Variants in NLRP4 observed in about 807,000 individuals in gnomAD.
NLRP4 encodes NACHT, LRR and PYD domains-containing protein 4.
NLRP4 carries 44 observed loss-of-function variants against 84.7 expected under a neutral mutation model. That is an observed-to-expected ratio of 0.52 (90% CI 0.41 to 0.67). The LOEUF is 0.67. Among genes scored for constraint, NLRP4 ranks in the 30% least tolerant of loss-of-function variants. The probability of loss-of-function intolerance (pLI) is 0.00; values close to 1 mark genes in which losing one functional copy is unlikely to be tolerated. For synonymous variants in NLRP4, 544 were observed against 476.4 expected (o/e 1.14, Z -1.85); for missense variants, 1,260 against 1,219.4 (o/e 1.03, Z -0.50).
chr19:55,880,230 A>T (rs1346599261), intron 9 of NLRP4, among the ~76,000 whole-genome samples: 6 of 152,192 alleles, frequency 3.9e-5, no homozygotes, highest in African/African-American at 7.2e-5. Flanking sequence ...CATCCTTATA[A>T]ATCTCCACCT....
chr19:55,872,321 T>C (rs1159021764), intron 7 of NLRP4, among the ~76,000 whole-genome samples: 7 of 152,228 alleles, frequency 4.6e-5, no homozygotes, highest in Non-Finnish European at 8.8e-5. Flanking sequence ...ACATGATCCT[T>C]GACCTCAGCT....
intron 1 of NLRP4, among the ~76,000 whole-genome samples, chr19:55,842,082 T>C (rs1407483133): frequency 6.6e-6 from 1 of 152,230 alleles, no homozygotes; most frequent in Non-Finnish European, 1.5e-5. Flanking sequence ...TTTCTCTGCA[T>C]CCTTGCCAAC....
rs1260666786 is a variant in NLRP4 at position 55,863,338 on chromosome 19, A to G, written c.2186+1179A>G. On this transcript the variant is annotated intron_variant, in intron 5 of 9. Coordinates refer to ENST00000301295, the MANE Select transcript of NLRP4 (RefSeq NM_134444.5). ...CATACCTGAGACTGGGAATTTATAA[A>G]TAAAAGAGGTGTAATTGGCTTATGG... 2.0e-5 allele frequency among the ~76,000 whole-genome samples: 3 copies of G among 152,214 alleles called. No individual in the cohort carries two copies. The East Asian group carries it at 5.8e-4, about 29-fold the overall frequency.
In NLRP4 at chr19:55,859,164, T is replaced by C. The variant is rs757124692; in HGVS notation, c.1771T>C (p.Tyr591His). The change falls in exon 3 of 10, where the codon TAC becomes CAC. Residue 591 changes from tyrosine to histidine, a missense_variant. This residue lies in a region of NLRP4 where 544 missense variants were observed against 531.7 expected (regional missense o/e 1.02). Transcript: ENST00000301295. ...CAACGTGGACTTGGTGGTTTCTGCC[T>C]ACTGCTTAAAATACTGCTCCAGCTT... Reference protein sequence around the residue: ...IDNVDLVVSAYCLKYCSSLRK... With the variant: ...IDNVDLVVSAHCLKYCSSLRK... 6.2e-7 allele frequency: 1 copy of C among 1,613,786 alleles called. No homozygotes were observed. Among genetic ancestry groups the C allele is most frequent in the Non-Finnish European group, 8.5e-7 (1 of 1,179,652 alleles).
chr19:55,841,281 TTAC>T (rs1983604612), intron 1 of NLRP4, among the ~76,000 whole-genome samples: 1 of 152,216 alleles, frequency 6.6e-6, no homozygotes, highest in African/African-American at 2.4e-5. Flanking sequence ...TGGTCTCCCG[TTAC>T]TCTCCCATCC....
chr19:55,879,691 T>A (rs991712497), intron 9 of NLRP4, among the ~76,000 whole-genome samples: 2 of 152,212 alleles, frequency 1.3e-5, no homozygotes, highest in Non-Finnish European at 2.9e-5. Context: ...TATTTATGTT[T>A]GCAGCTCAGT....
chr19:55,849,911 GT>G (rs1983967677), intron 1 of NLRP4, among the ~76,000 whole-genome samples: 3 of 135,484 alleles, frequency 2.2e-5, no homozygotes, highest in South Asian at 2.3e-4. Flanking sequence ...TGTAATTTCC[GT>G]AGCCGCGGTG....
chr19:55,879,090 C>G (rs1331866709), intron 9 of NLRP4, 126 bp downstream of exon 9: 5 of 732,760 alleles, frequency 6.8e-6, no homozygotes, highest in Non-Finnish European at 1.1e-5. Context: ...AGGGTTGTTG[C>G]AGGAGTAAGA....
At chr19:55,857,331 G>A in intron 2 of NLRP4, 3 of 341,846 alleles carry the variant, frequency 8.8e-6, no homozygotes, top group South Asian at 1.0e-4. Context: ...ATGAATGTGT[G>A]TGTGTGTGTG....
intron 2 of NLRP4, among the ~76,000 whole-genome samples, chr19:55,855,060 T>G (rs1273554685): frequency 1.3e-5 from 2 of 152,060 alleles, no homozygotes; most frequent in Non-Finnish European, 2.9e-5. Flanking sequence ...CCCCCATGTT[T>G]CCTGGAGTGT....
chr19:55,881,490 A>T lies in NLRP4; in HGVS notation c.2888A>T (p.Asp963Val), dbSNP rs200771466. ...QVLGLRKTDF[D>V]EETQALLTAE... The stretch of plus-strand genomic sequence containing the variant: ...ACCAGGCTGAGAAAAACTGATTTTG[A>T]TGAGGAAACCCAGGCACTTCTGACG... Residue 963 changes from aspartate (D) to valine (V), a missense_variant, in exon 10 of 10, where the codon GAT (aspartate) becomes GTT (valine). Physicochemically the swap from Asp to Val is radical, Grantham distance 152 (BLOSUM62 -3). Coordinates refer to ENST00000301295, the MANE Select transcript of NLRP4 (RefSeq NM_134444.5). 1 of 1,597,072 alleles carries T rather than the reference A, an allele frequency of 6.3e-7. No homozygotes were observed. Among genetic ancestry groups the T allele is most frequent in the Non-Finnish European group, 8.6e-7 (1 of 1,165,236 alleles).
chr19:55,878,045 G>A (rs1253788819), intron 8 of NLRP4, among the ~76,000 whole-genome samples: 2 of 152,304 alleles, frequency 1.3e-5, no homozygotes, highest in East Asian at 3.9e-4. Context: ...AAAGGAGCCT[G>A]AGGCAAGCCA....
intron 1 of NLRP4, among the ~76,000 whole-genome samples, chr19:55,837,942 A>G (rs1314453930): frequency 6.6e-6 from 1 of 151,592 alleles, no homozygotes; most frequent in Middle Eastern, 3.2e-3. Context: ...AGGCTGAGGC[A>G]GGAGAATTGC....
At chr19:55,842,995 G>T (rs183419523) in intron 1 of NLRP4, among the ~76,000 whole-genome samples, 1 of 151,026 alleles carries the variant, frequency 6.6e-6, no homozygotes, top group African/African-American at 2.4e-5. Context: ...TCCTGACCTC[G>T]TGATCCGCCC....
intron 7 of NLRP4, among the ~76,000 whole-genome samples, chr19:55,871,416 G>A (rs1256437392): frequency 6.6e-6 from 1 of 152,024 alleles, no homozygotes; most frequent in Non-Finnish European, 1.5e-5. Context: ...ATTAATGTGT[G>A]TAACAGAGAA....
At chr19:55,879,178 A>T (rs2123073220) in intron 9 of NLRP4, among the ~76,000 whole-genome samples, 1 of 152,330 alleles carries the variant, frequency 6.6e-6, no homozygotes. Flanking sequence ...ACACTTGTGA[A>T]GTGGCCTCAT....
At chr19:55,852,912 G>A (rs977036952) in intron 2 of NLRP4, among the ~76,000 whole-genome samples, 19 of 152,194 alleles carry the variant, frequency 1.2e-4, no homozygotes, top group Non-Finnish European at 2.2e-4. Context: ...ACCCTAAGCT[G>A]AGAACTTGCA....
rs73060155 is a variant in NLRP4 at position 55,846,703 on chromosome 19, G to A, written c.-65-5313G>A. ...AGGGAAGGACCTGGGGATTTGCATA[G>A]CAAGTTACCAGTTGGTGCTGATGTT... is the stretch of plus-strand genomic sequence containing the variant. On this transcript the variant is annotated intron_variant, in intron 1 of 9. Transcript: ENST00000301295. Among the ~76,000 whole-genome samples, 275 of 152,274 alleles carry A rather than the reference G, an allele frequency of 1.8e-3. 1 individual carries two copies. Among genetic ancestry groups the A allele is most frequent in the Middle Eastern group, 6.8e-3 (2 of 294 alleles).
intron 5 of NLRP4, among the ~76,000 whole-genome samples, chr19:55,865,104 CT>C (rs1440345287): frequency 2.0e-5 from 3 of 151,712 alleles, no homozygotes; most frequent in Non-Finnish European, 4.4e-5. Flanking sequence ...AGCATAGTAC[CT>C]GATAGGTAGA....
Sources: gnomAD v4.1 joint callset for allele counts (sites outside exome capture counted in the v4.1 genomes callset) on GRCh38, gnomAD v4.1.1 for gene constraint, gnomAD v4.1.1 regional missense constraint, MANE v1.5 for transcripts, NCBI Gene and HGNC (gene_info 2026-07-23, HGNC 2026-07-21) for gene names.